MAD2L2: variants seen among roughly 807,000 people sequenced by gnomAD.
The protein encoded by MAD2L2 is mitotic spindle assembly checkpoint protein MAD2B.
Under a neutral mutation model 30.5 loss-of-function variants are expected in MAD2L2, and 17 were observed. That is an observed-to-expected ratio of 0.56 (90% CI 0.38 to 0.84). The LOEUF (loss-of-function observed/expected upper bound fraction) is 0.84. MAD2L2 is among the 40% of genes least tolerant of loss of function. The pLI, the probability that MAD2L2 is intolerant of heterozygous loss-of-function variation, is 0.00. For missense variants in MAD2L2, 213 were observed against 277.4 expected, an observed-to-expected ratio of 0.77 and a Z score of 1.65; for synonymous variants, 101 against 113.9, an observed-to-expected ratio of 0.89 and a Z score of 0.72.
chr1:11,674,970 A>C lies in MAD2L2; in HGVS notation c.594+112T>G. 1 of 1,263,600 alleles carries C rather than the reference A, an allele frequency of 7.9e-7. No homozygotes were observed. Among genetic ancestry groups the C allele is most frequent in the Non-Finnish European group, 1.1e-6 (1 of 885,394 alleles). The allele number at this position is 1,263,600 out of a possible 1,614,324, so 78.3% of individuals were successfully genotyped here. A position where few individuals can be genotyped will look rare whatever the true frequency, so the allele number is the denominator to read the frequency against. On this transcript the variant is annotated intron_variant, in intron 8 of 8. Coordinates refer to ENST00000376692, the MANE Select transcript of MAD2L2 (RefSeq NM_006341.4). The surrounding 1 kb of genome is among the most constrained non-coding windows in gnomAD (Gnocchi z 6.1). The stretch of plus-strand genomic sequence containing the variant: ...AGAGTAGAGATGGGAGGAGCCCTCC[A>C]CCAGGCACTCCCCCGTTCTCTCCCG...
At chr1:11,676,271 G>A in intron 5 of MAD2L2, 131 bp from the exon 6 acceptor site, 2 of 613,190 alleles carry the variant, frequency 3.3e-6, no homozygotes, top group South Asian at 4.0e-5. Flanking sequence ...CTAGGACCCA[G>A]CTCCCTATCC....
chr1:11,675,997 A>C (rs374864885), intron 6 of MAD2L2, 49 bp downstream of exon 6: 220 of 1,505,282 alleles, frequency 1.5e-4, no homozygotes, highest in Non-Finnish European at 2.0e-4. Flanking sequence ...GACCAACCCG[A>C]GATAACCATG....
rs77561224 is a variant in MAD2L2 at position 11,679,950 on chromosome 1, T to A, written c.159+403A>T. ...GCATTGGAAGGCATGGGCAGGGCCCTGCGGAATGAGGTGGCTTGGCCCGAA... is the reference window on the plus strand; with the variant it reads ...GCATTGGAAGGCATGGGCAGGGCCCAGCGGAATGAGGTGGCTTGGCCCGAA... On this transcript the variant is annotated intron_variant, in intron 3 of 8. Transcript: ENST00000376692. Among the ~76,000 whole-genome samples, 4 of 148,462 alleles carry A rather than the reference T, an allele frequency of 2.7e-5. No individual in the cohort carries two copies. The East Asian group carries it at 8.1e-4, about 30-fold the overall frequency.
chr1:11,690,640 C>A lies in MAD2L2; in HGVS notation c.-692+773G>T, dbSNP rs553379665. Reference sequence around the variant, plus strand: ...AAGAAAACAGTCGAAATGGAAGCCACCTGGCGAGCTCAGGGCGCCAGGTGG... The same window carrying A: ...AAGAAAACAGTCGAAATGGAAGCCAACTGGCGAGCTCAGGGCGCCAGGTGG... On this transcript the variant is annotated intron_variant, in intron 1 of 10. Coordinates refer to the MAD2L2 transcript ENST00000235310. This position sits in a 1 kb window ranked among gnomAD's most constrained non-coding sequence, Gnocchi z 4.2. Among the ~76,000 whole-genome samples, 168 of 152,288 alleles carry A rather than the reference C, an allele frequency of 1.1e-3. 1 individual carries two copies. The highest frequency in any genetic ancestry group is 3.8e-3 in the African/African-American group (158 of 41,556).
At chr1:11,689,991 A>C (rs556771770) in intron 1 of MAD2L2, among the ~76,000 whole-genome samples, 5 of 151,798 alleles carry the variant, frequency 3.3e-5, no homozygotes, top group African/African-American at 9.7e-5. Context: ...CCCCACAACC[A>C]CGTGGCTCAT....
chr1:11,689,020 G>A (rs1641011358), intron 1 of MAD2L2, among the ~76,000 whole-genome samples: 1 of 152,188 alleles, frequency 6.6e-6, no homozygotes, highest in African/African-American at 2.4e-5. Context: ...CAAAGGCCAG[G>A]CACACTGGCT....
chr1:11,675,545 G>A (rs1640748208), intron 7 of MAD2L2, 113 bp downstream of exon 7: 14 of 1,037,238 alleles, frequency 1.3e-5, no homozygotes, highest in East Asian at 2.4e-5. Flanking sequence ...GGTGCCAGGC[G>A]CTGCCACACC....
chr1:11,677,315 C>A, intron 4 of MAD2L2: 1 of 599,112 alleles, frequency 1.7e-6, no homozygotes. Flanking sequence ...AGAGCCAGCT[C>A]CAACCCGGGC....
chr1:11,682,601 C>A (rs914008345), upstream of MAD2L2, among the ~76,000 whole-genome samples: 1 of 152,082 alleles, frequency 6.6e-6, no homozygotes, highest in Admixed American at 6.6e-5. Flanking sequence ...CCCCCAGGAG[C>A]CCATTAATCA....
chr1:11,679,855 G>A (rs932884678), intron 3 of MAD2L2, among the ~76,000 whole-genome samples: 6 of 151,300 alleles, frequency 4.0e-5, no homozygotes, highest in Admixed American at 6.6e-5. Flanking sequence ...ATCAGGCCTG[G>A]TCCCTAACTT....
upstream of MAD2L2, among the ~76,000 whole-genome samples, chr1:11,685,014 A>G (rs999430301): frequency 6.6e-6 from 1 of 151,722 alleles, no homozygotes; most frequent in Non-Finnish European, 1.5e-5. Flanking sequence ...TGCAGCCTGA[A>G]ACTCCTGGGC....
Position 11,675,754 on chromosome 1 carries a change from G to C in MAD2L2, c.428-23C>G, listed in dbSNP as rs779400706. The C allele has an allele frequency of 3.1e-6, 5 of 1,607,158 alleles. No homozygotes were observed. The Admixed American group carries it at 6.7e-5, about 21-fold the overall frequency. On this transcript the variant is annotated intron_variant, in intron 6 of 8. Transcript: ENST00000376692. Reference sequence around the variant, plus strand: ...AGCCTGGAGAGGCAAGAGGTTGGTGGAGGCTCCCCCACCGCCCTGGTGCCA... The same window carrying C: ...AGCCTGGAGAGGCAAGAGGTTGGTGCAGGCTCCCCCACCGCCCTGGTGCCA...
chr1:11,686,707 GA>G (rs1482794991), intron 1 of MAD2L2, among the ~76,000 whole-genome samples: 2 of 148,468 alleles, frequency 1.3e-5, no homozygotes, highest in Non-Finnish European at 3.0e-5. Flanking sequence ...CCGGCCCAGA[GA>G]CACTAAATGC....
At position 11,674,994 on chromosome 1, in the gene MAD2L2, C is replaced by A; in HGVS notation, c.594+88G>T. 1 of 1,320,510 alleles carries A rather than the reference C, an allele frequency of 7.6e-7. No homozygotes were observed. The highest frequency in any genetic ancestry group is 1.3e-5 in the South Asian group (1 of 75,430). The allele number at this position is 1,320,510 out of a possible 1,614,324, so 81.8% of individuals were successfully genotyped here. A position where few individuals can be genotyped will look rare whatever the true frequency, so the allele number is the denominator to read the frequency against. ...CACCAGGCACTCCCCCGTTCTCTCC[C>A]GCAAGCCCTCTAGTAAGGCCTCAGC... On this transcript the variant is annotated intron_variant, in intron 8 of 8. Transcript: ENST00000376692. This position sits in a 1 kb window ranked among gnomAD's most constrained non-coding sequence, Gnocchi z 6.1.
rs1324495545 is a variant in MAD2L2, at chr1:11,688,483, C to T, written c.-692+2930G>A. On this transcript the variant is annotated intron_variant, in intron 1 of 10. Transcript: ENST00000235310. The surrounding 1 kb of genome is among the most constrained non-coding windows in gnomAD (Gnocchi z 4.6). ...AGCTGAGGCAGGCGAATCGCTTGAACTTGGGAGGCAGAGGTTGCAGTGAGC... is the reference window on the plus strand; with the variant it reads ...AGCTGAGGCAGGCGAATCGCTTGAATTTGGGAGGCAGAGGTTGCAGTGAGC... Among the ~76,000 whole-genome samples the T allele has an allele frequency of 1.3e-5, 2 of 151,990 alleles. No homozygotes were observed. Among genetic ancestry groups the T allele is most frequent in the African/African-American group, 2.4e-5 (1 of 41,360 alleles).
upstream of MAD2L2, among the ~76,000 whole-genome samples, chr1:11,683,309 T>C (rs960899987): frequency 4.6e-5 from 7 of 152,134 alleles, no homozygotes; most frequent in African/African-American, 1.4e-4. Flanking sequence ...AGAAAAACCT[T>C]GGAGGACATA....
chr1:11,684,778 C>T (rs1336293385), upstream of MAD2L2, among the ~76,000 whole-genome samples: 1 of 152,178 alleles, frequency 6.6e-6, no homozygotes, highest in Non-Finnish European at 1.5e-5. Context: ...GGGGGACATA[C>T]AGAGTGAGAC....
rs117856625 is a variant in MAD2L2 at position 11,689,163 on chromosome 1, G to A, written c.-692+2250C>T. On this transcript the variant is annotated intron_variant, in intron 1 of 10. Coordinates refer to the MAD2L2 transcript ENST00000235310. ...ATACAAAAAATTAGCTGAGCATGGC[G>A]GTGTGTGCCTGTAACCCCAGCTAAC... is the stretch of plus-strand genomic sequence containing the variant. Among the ~76,000 whole-genome samples the A allele has an allele frequency of 4.6e-3, 704 of 152,202 alleles. 6 individuals are homozygous for A. The highest frequency in any genetic ancestry group is 0.021 in the East Asian group (110 of 5,182).
rs927560950 is a variant in MAD2L2 at position 11,677,747 on chromosome 1, G to A, written c.160-133C>T. On this transcript the variant is annotated intron_variant, in intron 3 of 8. Coordinates refer to ENST00000376692, the MANE Select transcript of MAD2L2 (RefSeq NM_006341.4). ...GCTCTCCAGGGCTCCCTACCCAGGAGACCCCACTTTCCCTCAAGAGGCTAA... is the reference window on the plus strand; with the variant it reads ...GCTCTCCAGGGCTCCCTACCCAGGAAACCCCACTTTCCCTCAAGAGGCTAA... The A allele has an allele frequency of 2.5e-5, 17 of 682,146 alleles. No homozygotes were observed. The South Asian group carries it at 2.7e-4, about 11-fold the overall frequency. The allele number at this position is 682,146 out of a possible 1,614,324, so 42.3% of individuals were successfully genotyped here.
Sources: gnomAD v4.1 joint callset for allele counts (sites outside exome capture counted in the v4.1 genomes callset) on GRCh38, gnomAD v4.1.1 for gene constraint, Gnocchi (gnomAD v3.1) non-coding constraint, MANE v1.5 for transcripts, NCBI Gene and HGNC (gene_info 2026-07-23, HGNC 2026-07-21) for gene names.